THAP12: variants seen among roughly 807,000 people sequenced by gnomAD.
The protein encoded by THAP12 is 52 kDa repressor of the inhibitor of the protein kinase.
Under a neutral mutation model 63.0 loss-of-function variants are expected in THAP12, and 20 were observed. That is an observed-to-expected ratio of 0.32 (90% CI 0.22 to 0.46). The LOEUF is 0.46. Among genes scored for constraint, THAP12 ranks in the 20% least tolerant of loss-of-function variants. The pLI is 1.00. For missense variants in THAP12, 568 were observed against 908.2 expected (o/e 0.63, Z 4.81); for synonymous variants, 264 against 328.4 (o/e 0.80, Z 2.12).
At chr11:76,368,583 C>G (rs902700733) in intron 1 of THAP12, 1 of 152,132 alleles carries the variant, frequency 6.6e-6, no homozygotes, top group Non-Finnish European at 1.5e-5. Flanking sequence ...CTTATTAAGA[C>G]AAGTACTGGC....
chr11:76,380,374 T>A (rs182439062), intron 1 of THAP12, among the ~76,000 whole-genome samples: 6 of 152,300 alleles, frequency 3.9e-5, no homozygotes, highest in African/African-American at 7.2e-5. Context: ...CATAGAGTCC[T>A]GCTCTCTTTT....
chr11:76,367,417 A>C (rs1946639332), intron 1 of THAP12, among the ~76,000 whole-genome samples: 1 of 150,230 alleles, frequency 6.7e-6, no homozygotes, highest in South Asian at 2.1e-4. Flanking sequence ...GCCGTGGATA[A>C]ACAGTATCAC....
chr11:76,370,841 A>ATATAT (rs1555025523), intron 1 of THAP12, among the ~76,000 whole-genome samples: 22 of 96,216 alleles, frequency 2.3e-4, no homozygotes, highest in Admixed American at 8.2e-4. Context: ...AAAAAAAAAA[A>ATATAT]AAATATATAT....
At chr11:76,373,442 G>A (rs889779952) in intron 1 of THAP12, among the ~76,000 whole-genome samples, 4 of 151,800 alleles carry the variant, frequency 2.6e-5, no homozygotes, top group African/African-American at 7.3e-5. Flanking sequence ...CAGGCTGGGC[G>A]TGGTGTCTCA....
In THAP12 at chr11:76,380,838, G is replaced by T. The variant is rs969310035; in HGVS notation, c.-2C>A. On this transcript the variant is annotated 5_prime_UTR_variant, in exon 1 of 5. Transcript: ENST00000260045. ...GGGGGCAGCGCAGAAGTTCGGCATC[G>T]TCGCCCGCCCGCCGGCCGGCCCAGC... 2 of 1,428,728 alleles carry T rather than the reference G, an allele frequency of 1.4e-6. No homozygotes were observed. Among genetic ancestry groups the T allele is most frequent in the Non-Finnish European group, 1.9e-6 (2 of 1,080,578 alleles). 88.5% of individuals were successfully genotyped at this position (1,428,728 alleles called of 1,614,324 possible).
At chr11:76,369,081 C>T (rs1247535390) in intron 1 of THAP12, among the ~76,000 whole-genome samples, 1 of 151,912 alleles carries the variant, frequency 6.6e-6, no homozygotes, top group Admixed American at 6.6e-5. Flanking sequence ...GGCAAGGGGC[C>T]TTGAACAGGC....
intron 1 of THAP12, among the ~76,000 whole-genome samples, chr11:76,369,629 A>ATGATTT (rs1447152875): frequency 0.023 from 3,433 of 152,358 alleles, 141 homozygotes; most frequent in African/African-American, 0.079. Context: ...TTGTGCAAAC[A>ATGATTT]AGCACACCTG....
intron 2 of THAP12, among the ~76,000 whole-genome samples, chr11:76,362,387 A>T (rs9667145): frequency 0.14 from 21,346 of 152,266 alleles, 1,603 homozygotes; most frequent in South Asian, 0.23. Flanking sequence ...AATGGAACAC[A>T]CTATCTTGGG....
At chr11:76,370,837 A>AG (rs1039181394) in intron 1 of THAP12, among the ~76,000 whole-genome samples, 1 of 133,516 alleles carries the variant, frequency 7.5e-6, no homozygotes, top group Non-Finnish European at 1.6e-5. Context: ...AAAGAAAAAA[A>AG]AAAAAAATAT....
intron 4 of THAP12, among the ~76,000 whole-genome samples, chr11:76,353,057 T>A (rs1336940497): frequency 2.6e-5 from 4 of 152,142 alleles, no homozygotes. Context: ...TAATTTTTTT[T>A]TTTTAAGAAG....
intron 4 of THAP12, 133 bp downstream of exon 4, chr11:76,355,484 AG>A (rs1300899709): frequency 1.3e-6 from 1 of 772,880 alleles, no homozygotes; most frequent in Admixed American, 3.5e-5. Context: ...TCCAAAACAC[AG>A]GACAAAATTG....
chr11:76,379,069 T>C (rs1358452874), intron 1 of THAP12, among the ~76,000 whole-genome samples: 1 of 152,142 alleles, frequency 6.6e-6, no homozygotes, highest in Non-Finnish European at 1.5e-5. Flanking sequence ...TTCTAGCACT[T>C]TGGGAGACCG....
At chr11:76,377,491 A>G (rs1946719184) in intron 1 of THAP12, among the ~76,000 whole-genome samples, 1 of 152,240 alleles carries the variant, frequency 6.6e-6, no homozygotes, top group Non-Finnish European at 1.5e-5. Context: ...AATATAATAG[A>G]ATCATACAAC....
At chr11:76,374,920 CACA>C (rs998408398) in intron 1 of THAP12, among the ~76,000 whole-genome samples, 5 of 152,172 alleles carry the variant, frequency 3.3e-5, no homozygotes, top group Admixed American at 1.3e-4. Flanking sequence ...CATGTGAGAA[CACA>C]ACAAGAAGGC....
At chr11:76,355,422 TGC>T (rs1377432579) in intron 4 of THAP12, among the ~76,000 whole-genome samples, 194 bp downstream of exon 4, 6 of 152,228 alleles carry the variant, frequency 3.9e-5, no homozygotes, top group Non-Finnish European at 8.8e-5. Context: ...TGTGTGGCAT[TGC>T]AGCACTCAAT....
chr11:76,354,286 G>T (rs1251036409), intron 4 of THAP12, among the ~76,000 whole-genome samples: 3 of 152,112 alleles, frequency 2.0e-5, no homozygotes, highest in African/African-American at 7.2e-5. Flanking sequence ...CAAATCAGAT[G>T]ACACTGCTAT....
intron 3 of THAP12, among the ~76,000 whole-genome samples, chr11:76,360,185 T>C (rs557070119): frequency 2.6e-5 from 4 of 152,168 alleles, no homozygotes; most frequent in African/African-American, 9.6e-5. Flanking sequence ...AAGGTAAGCA[T>C]AGAATAAGGA....
intron 3 of THAP12, 137 bp downstream of exon 3, chr11:76,360,819 C>G (rs945368981): frequency 1.5e-6 from 1 of 652,016 alleles, no homozygotes; most frequent in Non-Finnish European, 2.6e-6. Context: ...GGCTATTTAA[C>G]AACCATAACA....
intron 3 of THAP12, among the ~76,000 whole-genome samples, chr11:76,359,833 A>G (rs1008919126): frequency 1.3e-5 from 2 of 148,904 alleles, no homozygotes; most frequent in African/African-American, 2.5e-5. Flanking sequence ...TCGGGGGGGA[A>G]AAAAAAAATC....
Sources: gnomAD v4.1 joint callset for allele counts (sites outside exome capture counted in the v4.1 genomes callset) on GRCh38, gnomAD v4.1.1 for gene constraint, MANE v1.5 for transcripts, NCBI Gene and HGNC (gene_info 2026-07-23, HGNC 2026-07-21) for gene names.